ERC2: variants seen among roughly 807,000 people sequenced by gnomAD.
ERC2 encodes the protein ERC protein 2.
ERC2 carries 42 observed loss-of-function variants against 114.8 expected under a neutral mutation model. The ratio of observed to expected loss-of-function variants is 0.37; its 90% CI spans 0.29 to 0.47. The LOEUF is 0.47. Among genes scored for constraint, ERC2 ranks in the 20% least tolerant of loss-of-function variants. ERC2 has a pLI of 0.99. For synonymous variants in ERC2, 454 were observed against 425.5 expected, an observed-to-expected ratio of 1.07 and a Z score of -0.82; for missense variants, 939 against 1,150.7, an observed-to-expected ratio of 0.82 and a Z score of 2.66.
At chr3:55,632,833 AAAG>A (rs754683881) in intron 17 of ERC2, among the ~76,000 whole-genome samples, 1 of 152,212 alleles carries the variant, frequency 6.6e-6, no homozygotes, top group Non-Finnish European at 1.5e-5. Context: ...TGAAGAGAAG[AAAG>A]AAGAAAGAAA....
At chr3:56,073,522 C>T (rs1195784403) in intron 7 of ERC2, among the ~76,000 whole-genome samples, 2 of 152,164 alleles carry the variant, frequency 1.3e-5, no homozygotes. Context: ...CTGCCTTAGA[C>T]CCATGGCCAC....
intron 3 of ERC2, among the ~76,000 whole-genome samples, chr3:56,280,024 T>C (rs1164409095): frequency 6.6e-6 from 1 of 152,178 alleles, no homozygotes; most frequent in Non-Finnish European, 1.5e-5. Flanking sequence ...GATTATATTG[T>C]ATTAACTAGG....
chr3:56,307,290 T>C (rs185484278), intron 2 of ERC2, among the ~76,000 whole-genome samples: 150 of 152,358 alleles, frequency 9.8e-4, no homozygotes, highest in South Asian at 2.1e-3. Context: ...ATATATTTTT[T>C]GCCTTTCCAA....
At chr3:56,441,799 G>A (rs1370425816) in intron 1 of ERC2, among the ~76,000 whole-genome samples, 4 of 152,228 alleles carry the variant, frequency 2.6e-5, no homozygotes, top group Non-Finnish European at 4.4e-5. Context: ...CACACGCCTC[G>A]GCCTCCCAAA....
At chr3:55,879,088 T>C (rs1345812311) in intron 14 of ERC2, among the ~76,000 whole-genome samples, 1 of 80,402 alleles carries the variant, frequency 1.2e-5, no homozygotes, top group Non-Finnish European at 2.5e-5. Flanking sequence ...TCTTTTTTTT[T>C]CTTTTTCTTA....
At chr3:56,256,035 C>T (rs1271088060) in intron 3 of ERC2, among the ~76,000 whole-genome samples, 1 of 152,178 alleles carries the variant, frequency 6.6e-6, no homozygotes, top group Non-Finnish European at 1.5e-5. Flanking sequence ...TCTTCCTCTA[C>T]AAGGACAAGA....
intron 17 of ERC2, among the ~76,000 whole-genome samples, chr3:55,647,581 A>G (rs962441383): frequency 2.6e-5 from 4 of 152,156 alleles, no homozygotes; most frequent in African/African-American, 9.6e-5. Flanking sequence ...AAATTAAAAA[A>G]AGAGAGAGAG....
At chr3:56,299,508 T>C (rs559603804) in intron 2 of ERC2, among the ~76,000 whole-genome samples, 39 of 151,380 alleles carry the variant, frequency 2.6e-4, no homozygotes, top group African/African-American at 9.5e-4. Context: ...TGGCTCACTG[T>C]AACCTCCACC....
chr3:55,835,827 A>T (rs894506318), intron 14 of ERC2, among the ~76,000 whole-genome samples: 2 of 152,024 alleles, frequency 1.3e-5, no homozygotes, highest in Admixed American at 6.5e-5. Context: ...CTGTTTGCAG[A>T]TGACATGATT....
rs148379982 is a variant in ERC2 at position 56,262,783 on chromosome 3, T to C, written c.1074+33236A>G. Among the ~76,000 whole-genome samples, 29 of 152,376 alleles carry C rather than the reference T, an allele frequency of 1.9e-4. No individual in the cohort carries two copies. In the East Asian group the frequency reaches 5.6e-3, roughly 29 times the overall value. On this transcript the variant is annotated intron_variant, in intron 3 of 17. Transcript: ENST00000288221. ...TTCCTCTCATTACATATACAAATTT[T>C]GGTCCCCAATTTTGGTATCAATTGG...
At chr3:56,343,192 T>TCACACACACACACACACACACACACA (rs61632315) in intron 2 of ERC2, among the ~76,000 whole-genome samples, 1 of 126,132 alleles carries the variant, frequency 7.9e-6, no homozygotes, top group African/African-American at 3.0e-5. Context: ...TCTCTCTCTC[T>TCACACACACACACACACACACACACA]CACACACACA....
At chr3:56,241,014 C>T (rs1434064005) in intron 3 of ERC2, among the ~76,000 whole-genome samples, 1 of 152,082 alleles carries the variant, frequency 6.6e-6, no homozygotes. Flanking sequence ...TCTACTGTTA[C>T]CCTCTGAATG....
At chr3:55,766,011 G>A (rs564449327) in intron 14 of ERC2, among the ~76,000 whole-genome samples, 6 of 152,342 alleles carry the variant, frequency 3.9e-5, no homozygotes, top group African/African-American at 1.4e-4. Context: ...ATTGGGGGAA[G>A]AATCTGCTGA....
At chr3:55,583,490 T>C (rs1455958235) in intron 17 of ERC2, among the ~76,000 whole-genome samples, 2 of 52,348 alleles carry the variant, frequency 3.8e-5, no homozygotes, top group African/African-American at 8.5e-5. Context: ...CCTCCATCCC[T>C]CTCTCCTTCC....
At chr3:55,747,395 G>A (rs768775614) in intron 14 of ERC2, among the ~76,000 whole-genome samples, 6 of 151,990 alleles carry the variant, frequency 3.9e-5, no homozygotes, top group Non-Finnish European at 5.9e-5. Context: ...CCATACATTT[G>A]CTAAGAGAAC....
At chr3:56,072,297 G>A (rs745702279) in intron 7 of ERC2, 9 of 152,166 alleles carry the variant, frequency 5.9e-5, no homozygotes, top group Admixed American at 5.2e-4. Flanking sequence ...AAGGGCATAC[G>A]AGTAGCTGTG....
chr3:56,187,542 G>T (rs761987160), intron 3 of ERC2, among the ~76,000 whole-genome samples: 3 of 152,032 alleles, frequency 2.0e-5, no homozygotes, highest in Non-Finnish European at 4.4e-5. Flanking sequence ...GCACATACAC[G>T]CATCCACACA....
intron 2 of ERC2, among the ~76,000 whole-genome samples, chr3:56,382,464 C>G (rs934682080): frequency 4.6e-5 from 7 of 152,130 alleles, no homozygotes; most frequent in Non-Finnish European, 8.8e-5. Context: ...AACTTTCCCC[C>G]CACCATTTCC....
intron 2 of ERC2, among the ~76,000 whole-genome samples, chr3:56,408,392 A>C (rs2107067810): frequency 6.6e-6 from 1 of 152,238 alleles, no homozygotes; most frequent in East Asian, 1.9e-4. Context: ...GCAGGATTTG[A>C]ACCCAAGCAA....
Sources: gnomAD v4.1 joint callset for allele counts (sites outside exome capture counted in the v4.1 genomes callset) on GRCh38, gnomAD v4.1.1 for gene constraint, MANE v1.5 for transcripts, NCBI Gene and HGNC (gene_info 2026-07-23, HGNC 2026-07-21) for gene names.